The following CFLAR variants were observed in gnomAD, a reference collection of about 807,000 sequenced individuals.
The protein encoded by CFLAR is CASP8 and FADD-like apoptosis regulator.
CFLAR carries 14 observed loss-of-function variants against 51.1 expected under a neutral mutation model. That is an observed-to-expected ratio of 0.27 (90% CI 0.18 to 0.43). The LOEUF is 0.43. Among genes scored for constraint, CFLAR ranks in the 20% least tolerant of loss-of-function variants. CFLAR has a pLI of 1.00. For synonymous variants in CFLAR, 210 were observed against 211.6 expected, an observed-to-expected ratio of 0.99 and a Z score of 0.06; for missense variants, 390 against 566.5, an observed-to-expected ratio of 0.69 and a Z score of 3.16.
chr2:201,144,279 T>G (rs1451218665), intron 5 of CFLAR: 1 of 152,248 alleles, frequency 6.6e-6, no homozygotes, highest in East Asian at 1.9e-4. Flanking sequence ...ATGTGGTATG[T>G]GTATCTTACA....
rs1389315160 is a variant in CFLAR at position 201,118,091 on chromosome 2, AG to A, written c.-138+1613del. Reference sequence around the variant, plus strand: ...TCTAAACAAAAAAGACTGGGTTGAAAGGGAGTTTTTAATGTTTACTGTTTGC... The same window carrying A: ...TCTAAACAAAAAAGACTGGGTTGAAAGGAGTTTTTAATGTTTACTGTTTGC... On this transcript the variant is annotated intron_variant, in intron 1 of 9. Transcript: ENST00000309955. This position sits in a 1 kb window ranked among gnomAD's most constrained non-coding sequence, Gnocchi z 5.1. Among the ~76,000 whole-genome samples, 1 of 152,230 alleles carries A rather than the reference AG, an allele frequency of 6.6e-6. No individual in the cohort carries two copies. The highest frequency in any genetic ancestry group is 1.5e-5 in the Non-Finnish European group (1 of 68,040).
chr2:201,172,281 A>G lies in CFLAR; in HGVS notation c.*8308A>G, dbSNP rs1944067143. 1 of 152,230 alleles carries G rather than the reference A, an allele frequency of 6.6e-6. No individual in the cohort carries two copies. Among genetic ancestry groups the G allele is most frequent in the Admixed American group, 6.5e-5 (1 of 15,278 alleles). 9.4% of individuals were successfully genotyped at this position (152,230 alleles called of 1,614,324 possible). On this transcript the variant is annotated 3_prime_UTR_variant, in exon 10 of 10. Coordinates refer to ENST00000309955, the MANE Select transcript of CFLAR (RefSeq NM_003879.7). ...TTTAACTTTTATAAAATATTTTGAT[A>G]CATTCATGACCTTACTTTAGCAAGC...
At position 201,140,412 on chromosome 2, in the gene CFLAR, T is replaced by A; in HGVS notation, c.579T>A (p.Ser193Arg). 2 of 1,608,690 alleles carry A rather than the reference T, an allele frequency of 1.2e-6. No individual in the cohort carries two copies. Among genetic ancestry groups the A allele is most frequent in the South Asian group, 2.2e-5 (2 of 89,996 alleles). Residue 193 changes from serine to arginine, a missense_variant, in exon 5 of 10, where the codon AGT becomes AGA. Transcript: ENST00000309955. ...TTCTCCAAGCAGCAATCCAAAAGAG[T>A]CTCAAGGATCCTTCAAATAACTTCA... ...RNVLQAAIQK[S>R]LKDPSNNFRL...
Position 201,160,535 on chromosome 2 carries a change from GC to G in CFLAR, c.900del (p.Glu301SerfsTer13). On this transcript the variant is annotated frameshift_variant, in exon 9 of 10. Coordinates refer to ENST00000309955, the MANE Select transcript of CFLAR (RefSeq NM_003879.7). LOFTEE classifies it high-confidence loss of function. The stretch of plus-strand genomic sequence containing the variant: ...AGATTCTTGGCCAATTTGCCTGTAT[GC>G]CCGAGCACCGAGACTACGACAGCTT... ...SQILGQFACM[P>X]EHRDYDSFVC... 1 of 1,613,592 alleles carries G rather than the reference GC, an allele frequency of 6.2e-7. No individual in the cohort carries two copies.
At chr2:201,122,856 G>A (rs1409535344) in intron 1 of CFLAR, 1 of 152,130 alleles carries the variant, frequency 6.6e-6, no homozygotes, top group East Asian at 1.9e-4. Context: ...TTTTTGGTTC[G>A]GAGTTAGATT....
chr2:201,140,624 T>A, intron 5 of CFLAR, 185 bp downstream of exon 5: 1 of 546,606 alleles, frequency 1.8e-6, no homozygotes, highest in Non-Finnish European at 3.2e-6. Context: ...ATTGAGATAT[T>A]TGGAGACTAT....
In CFLAR at chr2:201,167,502, T is replaced by C. The variant is rs1302238388; in HGVS notation, c.*3529T>C. 4 of 152,144 alleles carry C rather than the reference T, an allele frequency of 2.6e-5. No homozygotes were observed. The highest frequency in any genetic ancestry group is 1.5e-5 in the Non-Finnish European group (1 of 68,054). 9.4% of individuals were successfully genotyped at this position (152,144 alleles called of 1,614,324 possible). On this transcript the variant is annotated 3_prime_UTR_variant, in exon 10 of 10. Transcript: ENST00000309955. Reference sequence around the variant, plus strand: ...GCATGGGAGACAGAGTGAGACCCTGTTTCAGAAAAAATAAATAAATAAAAC... The same window carrying C: ...GCATGGGAGACAGAGTGAGACCCTGCTTCAGAAAAAATAAATAAATAAAAC...
chr2:201,133,804 G>A (rs188228960), intron 3 of CFLAR, among the ~76,000 whole-genome samples: 32 of 150,568 alleles, frequency 2.1e-4, no homozygotes, highest in East Asian at 5.9e-4. Flanking sequence ...GGTGGCGGGC[G>A]CCTGTAGTCC....
chr2:201,143,652 C>T (rs1375493616), intron 5 of CFLAR, among the ~76,000 whole-genome samples: 1 of 151,904 alleles, frequency 6.6e-6, no homozygotes, highest in African/African-American at 2.4e-5. Flanking sequence ...CCACAGGATA[C>T]CACAAGATAT....
At chr2:201,119,767 A>G in intron 1 of CFLAR, among the ~76,000 whole-genome samples, 1 of 151,894 alleles carries the variant, frequency 6.6e-6, no homozygotes. Flanking sequence ...ATGAGTTAAA[A>G]TACATGCAAA....
At chr2:201,123,940 G>A (rs766453808) in intron 1 of CFLAR, among the ~76,000 whole-genome samples, 1 of 152,180 alleles carries the variant, frequency 6.6e-6, no homozygotes, top group Non-Finnish European at 1.5e-5. Flanking sequence ...GTTCAGGTTT[G>A]CATGCTGCTT....
At chr2:201,135,393 C>T (rs1244644215) in intron 3 of CFLAR, among the ~76,000 whole-genome samples, 19 of 152,164 alleles carry the variant, frequency 1.2e-4, no homozygotes, top group Non-Finnish European at 1.5e-5. Context: ...TGCTCTTTCA[C>T]GGTCCTTCTC....
intron 8 of CFLAR, among the ~76,000 whole-genome samples, chr2:201,160,012 CTG>C (rs1425045685): frequency 2.0e-5 from 3 of 152,156 alleles, no homozygotes; most frequent in Non-Finnish European, 4.4e-5. Context: ...GTGGGCCTCT[CTG>C]AGGGACTGCT....
At chr2:201,132,908 A>G (rs1455053636) in intron 2 of CFLAR, 121 bp from the exon 3 acceptor site, 9 of 926,922 alleles carry the variant, frequency 9.7e-6, no homozygotes, top group Non-Finnish European at 1.4e-5. Flanking sequence ...AGGGAGGGAC[A>G]TATTTACACA....
chr2:201,156,655 G>A (rs1156637315), intron 8 of CFLAR, among the ~76,000 whole-genome samples: 1 of 152,042 alleles, frequency 6.6e-6, no homozygotes, highest in Admixed American at 6.6e-5. Context: ...GAGTAGTGCT[G>A]ACCCTAGCCT....
At chr2:201,160,198 G>C (rs77588275) in intron 8 of CFLAR, among the ~76,000 whole-genome samples, 2,719 of 152,242 alleles carry the variant, frequency 0.018, 58 homozygotes, top group South Asian at 0.027. Flanking sequence ...CTGGCATCAG[G>C]CAGGAACAGT....
At chr2:201,162,727 C>A in intron 9 of CFLAR, 1 of 343,722 alleles carries the variant, frequency 2.9e-6, no homozygotes. Flanking sequence ...ACCCCTCTAT[C>A]CCATGTATCA....
At position 201,138,339 on chromosome 2, in the gene CFLAR, C is replaced by T. The variant is rs2050425046; in HGVS notation, c.524-2018C>T. 4 of 770,112 alleles carry T rather than the reference C, an allele frequency of 5.2e-6. No homozygotes were observed. Among genetic ancestry groups the T allele is most frequent in the Non-Finnish European group, 9.6e-6 (4 of 416,956 alleles). 47.7% of individuals were successfully genotyped at this position (770,112 alleles called of 1,614,324 possible). ...ACAGCTGCCCCGCCCAGCAGCTGCT[C>T]ATGGGAATCCTTGGAGGCCACAGGG... On this transcript the variant is annotated intron_variant, in intron 4 of 9. Transcript: ENST00000309955. The surrounding 1 kb of genome is among the most constrained non-coding windows in gnomAD (Gnocchi z 4.0).
At chr2:201,121,965 T>G (rs2048229036) in intron 1 of CFLAR, among the ~76,000 whole-genome samples, 1 of 152,210 alleles carries the variant, frequency 6.6e-6, no homozygotes, top group Non-Finnish European at 1.5e-5. Flanking sequence ...AGACATCCAG[T>G]TCCTCTAAAG....
Sources: gnomAD v4.1 joint callset for allele counts (sites outside exome capture counted in the v4.1 genomes callset) on GRCh38, gnomAD v4.1.1 for gene constraint, Gnocchi (gnomAD v3.1) non-coding constraint, MANE v1.5 for transcripts, NCBI Gene and HGNC (gene_info 2026-07-23, HGNC 2026-07-21) for gene names.